PLCZ1: variants seen among roughly 807,000 people sequenced by gnomAD.
PLCZ1 encodes phospholipase C zeta 1.
In PLCZ1, 64 loss-of-function variants were observed where a neutral mutation model predicts 76.8. The ratio of observed to expected loss-of-function variants is 0.83; its 90% CI spans 0.68 to 1.03. The LOEUF (loss-of-function observed/expected upper bound fraction) is 1.03, where lower values mean the gene tolerates loss of function less well. Among genes scored for constraint, PLCZ1 ranks in the 50% least tolerant of loss-of-function variants. PLCZ1 has a pLI of 0.00. For missense variants in PLCZ1, 751 were observed against 713.7 expected (o/e 1.05, Z -0.60); for synonymous variants, 248 against 230.8 (o/e 1.07, Z -0.68).
intron 6 of PLCZ1, among the ~76,000 whole-genome samples, chr12:18,707,536 C>A (rs1470945849): frequency 6.6e-6 from 1 of 152,092 alleles, no homozygotes; most frequent in Non-Finnish European, 1.5e-5. Context: ...TGTTTGCCCC[C>A]CATTTCCTTA....
intron 10 of PLCZ1, among the ~76,000 whole-genome samples, chr12:18,698,977 T>C (rs972561028): frequency 6.6e-6 from 1 of 152,188 alleles, no homozygotes; most frequent in Non-Finnish European, 1.5e-5. Context: ...CACCTGGCTC[T>C]TAAGTTAGTT....
chr12:18,736,373 C>A (rs1380828644), intron 2 of PLCZ1, 29 bp from the exon 3 acceptor site: 6 of 1,603,620 alleles, frequency 3.7e-6, no homozygotes, highest in Non-Finnish European at 5.1e-6. Context: ...TAAGGAAATT[C>A]TCACAGAAAG....
intron 12 of PLCZ1, among the ~76,000 whole-genome samples, chr12:18,694,598 C>T (rs73060533): frequency 0.14 from 20,988 of 152,040 alleles, 1,532 homozygotes; most frequent in Middle Eastern, 0.17. Context: ...AATTAGTGGG[C>T]TGAACTGAGA....
At chr12:18,710,542 A>G (rs1018016778) in intron 6 of PLCZ1, among the ~76,000 whole-genome samples, 3 of 152,110 alleles carry the variant, frequency 2.0e-5, no homozygotes, top group African/African-American at 7.2e-5. Context: ...GGGGAATGAC[A>G]TAGTCTGAGT....
At chr12:18,646,613 C>G in the PLCZ1 span, among the ~76,000 whole-genome samples, 2 of 152,128 alleles carry the variant, frequency 1.3e-5, no homozygotes, top group Non-Finnish European at 2.9e-5. Flanking sequence ...GGGCTGCCCT[C>G]TCAAGTTGTC....
At chr12:18,705,077 T>C in intron 7 of PLCZ1, 89 bp downstream of exon 7, 1 of 1,495,846 alleles carries the variant, frequency 6.7e-7, no homozygotes, top group Non-Finnish European at 9.3e-7. Context: ...TTTTCATTGG[T>C]CTCTAGCCCA....
chr12:18,727,292 G>A (rs867470253), intron 3 of PLCZ1, among the ~76,000 whole-genome samples: 8 of 152,140 alleles, frequency 5.3e-5, no homozygotes, highest in Non-Finnish European at 1.0e-4. Context: ...GGGCTAGAGT[G>A]AGCTATAATC....
chr12:18,733,825 A>G (rs1239639832), intron 3 of PLCZ1, among the ~76,000 whole-genome samples: 1 of 152,058 alleles, frequency 6.6e-6, no homozygotes, highest in Non-Finnish European at 1.5e-5. Context: ...TAGTCTACAT[A>G]TTTGTTTTTA....
In PLCZ1 at chr12:18,688,090, A is replaced by G. The variant is rs774950530; in HGVS notation, c.1590T>C (p.Asn530=). 5 of 1,609,578 alleles carry G rather than the reference A, an allele frequency of 3.1e-6. No homozygotes were observed. In the Admixed American group the frequency reaches 5.0e-5, roughly 16 times the overall value. The change falls in exon 13 of 15, where the codon AAT becomes AAC. Residue 530 remains asparagine, a splice_region_variant and synonymous_variant. Transcript: ENST00000266505. The part of the protein sequence containing the change: ...MKQQTRVIKK[N]AFSPRWNETF... ...CAATAAGGTATATCAGGAGCTCACC[A>G]TTTTTTTTAATTACACGAGTCTGCT...
the PLCZ1 span, chr12:18,648,302 T>C: frequency 4.2e-6 from 1 of 240,050 alleles, no homozygotes; most frequent in East Asian, 6.0e-5. Flanking sequence ...TTTTAATATA[T>C]TTTAAATTAA....
intron 6 of PLCZ1, 78 bp from the exon 7 acceptor site, chr12:18,705,393 G>A: frequency 4.6e-6 from 7 of 1,534,770 alleles, no homozygotes; most frequent in Non-Finnish European, 6.3e-6. Flanking sequence ...AGTGCTTAAT[G>A]TATTTTAAAA....
chr12:18,695,170 T>A lies in PLCZ1; in HGVS notation c.1292-91A>T, dbSNP rs143158134. On this transcript the variant is annotated intron_variant, in intron 11 of 14. Coordinates refer to ENST00000266505, the MANE Select transcript of PLCZ1 (RefSeq NM_033123.4). ...CTTACTGAAATCTAATAATGGATTC[T>A]ATGTCCCCAAATGTTCTATGAGCAA... is the stretch of plus-strand genomic sequence containing the variant. 3.5e-3 allele frequency: 4,492 copies of A among 1,273,074 alleles called. 58 individuals carry two copies. The highest frequency in any genetic ancestry group is 8.5e-3 in the Admixed American group (491 of 57,530). The allele number at this position is 1,273,074 out of a possible 1,614,324, so 78.9% of individuals were successfully genotyped here. A position where few individuals can be genotyped will look rare whatever the true frequency, so the allele number is the denominator to read the frequency against.
At chr12:18,649,949 A>T in the PLCZ1 span, among the ~76,000 whole-genome samples, 1 of 151,946 alleles carries the variant, frequency 6.6e-6, no homozygotes, top group Admixed American at 6.6e-5. Context: ...GGAGTGTCCC[A>T]GGGCTCACCC....
chr12:18,648,160 C>T, the PLCZ1 span: 1 of 431,000 alleles, frequency 2.3e-6, no homozygotes. Flanking sequence ...GAAAAAAAAT[C>T]AGAATTAGTC....
At chr12:18,700,045 T>C in intron 9 of PLCZ1, 95 bp from the exon 10 acceptor site, 1 of 1,012,810 alleles carries the variant, frequency 9.9e-7, no homozygotes, top group Non-Finnish European at 1.5e-6. Context: ...AACAAATGAT[T>C]TTCATCTTTT....
the PLCZ1 span, among the ~76,000 whole-genome samples, chr12:18,668,808 GATAC>G: frequency 6.6e-6 from 1 of 152,102 alleles, no homozygotes; most frequent in African/African-American, 2.4e-5. Flanking sequence ...GCCCAGCTCT[GATAC>G]ATATCTACTC....
At chr12:18,647,676 C>A in the PLCZ1 span, among the ~76,000 whole-genome samples, 2 of 152,040 alleles carry the variant, frequency 1.3e-5, no homozygotes, top group Middle Eastern at 3.4e-3. Context: ...ACAAAAATAG[C>A]CTGTCATTAA....
At chr12:18,697,397 T>A (rs1955219769) in intron 10 of PLCZ1, among the ~76,000 whole-genome samples, 1 of 152,172 alleles carries the variant, frequency 6.6e-6, no homozygotes, top group African/African-American at 2.4e-5. Context: ...TCATGCTCCC[T>A]TATCTAGTCC....
the PLCZ1 span, among the ~76,000 whole-genome samples, chr12:18,668,259 C>T: frequency 1.3e-5 from 2 of 152,204 alleles, no homozygotes; most frequent in Admixed American, 1.3e-4. Context: ...AAACACACAT[C>T]ACATTTTCAT....
Sources: gnomAD v4.1 joint callset for allele counts (sites outside exome capture counted in the v4.1 genomes callset) on GRCh38, gnomAD v4.1.1 for gene constraint, MANE v1.5 for transcripts, NCBI Gene and HGNC (gene_info 2026-07-23, HGNC 2026-07-21) for gene names.